UVRAG: variants seen among roughly 807,000 people sequenced by gnomAD.
UVRAG encodes the protein UV radiation resistance associated.
UVRAG carries 19 observed loss-of-function variants against 78.0 expected under a neutral mutation model. That is an observed-to-expected ratio of 0.24 (90% CI 0.17 to 0.36). The LOEUF is 0.36. Ranked by LOEUF, UVRAG falls within the 10% of genes least tolerant of loss-of-function variation. The pLI, the probability that UVRAG is intolerant of heterozygous loss-of-function variation, is 1.00. For synonymous variants in UVRAG, 323 were observed against 324.6 expected, an observed-to-expected ratio of 1.00 and a Z score of 0.05; for missense variants, 740 against 853.8, an observed-to-expected ratio of 0.87 and a Z score of 1.66.
At chr11:75,826,344 A>G (rs1014556788) in intron 1 of UVRAG, among the ~76,000 whole-genome samples, 15 of 151,394 alleles carry the variant, frequency 9.9e-5, no homozygotes, top group African/African-American at 3.4e-4. Flanking sequence ...TTTAGTAGAG[A>G]CGGGGTTTTA....
At chr11:76,097,995 A>G (rs1368108176) in intron 13 of UVRAG, among the ~76,000 whole-genome samples, 2 of 149,982 alleles carry the variant, frequency 1.3e-5, no homozygotes, top group Non-Finnish European at 3.0e-5. Context: ...GAAATTTGGC[A>G]TTTCTTATCT....
At chr11:75,947,742 C>T (rs752207819) in intron 6 of UVRAG, among the ~76,000 whole-genome samples, 9 of 152,080 alleles carry the variant, frequency 5.9e-5, no homozygotes, top group Non-Finnish European at 1.3e-4. Context: ...GTTAAACAAA[C>T]CTGGGTTTAA....
At chr11:76,009,433 C>T (rs1455052364) in intron 11 of UVRAG, among the ~76,000 whole-genome samples, 2 of 152,072 alleles carry the variant, frequency 1.3e-5, no homozygotes, top group African/African-American at 4.8e-5. Flanking sequence ...GTTTTTCCTA[C>T]TCTGCAAATA....
At chr11:75,927,942 A>G (rs759136154) in intron 6 of UVRAG, among the ~76,000 whole-genome samples, 11 of 152,254 alleles carry the variant, frequency 7.2e-5, no homozygotes, top group Admixed American at 5.9e-4. Context: ...TTTTTAAAAA[A>G]ATACCTCTGA....
At chr11:75,846,138 A>G (rs1344711368) in intron 1 of UVRAG, among the ~76,000 whole-genome samples, 1 of 152,218 alleles carries the variant, frequency 6.6e-6, no homozygotes, top group Admixed American at 6.5e-5. Context: ...AAGCATTGAT[A>G]TTTATGCTAG....
chr11:75,917,271 T>C (rs1310750341), intron 6 of UVRAG, among the ~76,000 whole-genome samples: 3 of 152,252 alleles, frequency 2.0e-5, no homozygotes, highest in Non-Finnish European at 4.4e-5. Flanking sequence ...GGTTTTACTT[T>C]CAAAGTTGCT....
At chr11:75,828,518 C>A (rs1272047479) in intron 1 of UVRAG, among the ~76,000 whole-genome samples, 1 of 150,664 alleles carries the variant, frequency 6.6e-6, no homozygotes, top group African/African-American at 2.4e-5. Flanking sequence ...ACAAGGTTGC[C>A]CAGGTTGGAA....
rs760143866 is a variant in UVRAG at position 76,141,275 on chromosome 11, C to T, written c.1962C>T (p.Cys654=). The part of the protein sequence containing the change: ...ASGDQLEAFN[C]IPVDSAVAVE... The stretch of plus-strand genomic sequence containing the variant: ...GTGATCAGCTAGAAGCATTTAACTG[C>T]ATCCCAGTGGACAGTGCTGTGGCAG... The change falls in exon 15 of 15, where the codon TGC becomes TGT. Residue 654 remains cysteine, a synonymous_variant. Transcript: ENST00000356136. 1.2e-6 allele frequency: 2 copies of T among 1,614,216 alleles called. No individual in the cohort carries two copies. Among genetic ancestry groups the T allele is most frequent in the Non-Finnish European group, 8.5e-7 (1 of 1,180,038 alleles).
At chr11:76,138,459 C>T (rs1952638668) in intron 14 of UVRAG, among the ~76,000 whole-genome samples, 1 of 152,160 alleles carries the variant, frequency 6.6e-6, no homozygotes, top group South Asian at 2.1e-4. Flanking sequence ...TGGGGGTTGT[C>T]GCGCCTCATT....
intron 11 of UVRAG, among the ~76,000 whole-genome samples, chr11:76,010,334 CA>C (rs1950027996): frequency 6.6e-6 from 1 of 152,082 alleles, no homozygotes; most frequent in African/African-American, 2.4e-5. Context: ...TTGGGGGAGA[CA>C]GCCAATAAAC....
chr11:75,960,126 T>C (rs901888749), intron 6 of UVRAG, among the ~76,000 whole-genome samples: 2 of 151,932 alleles, frequency 1.3e-5, no homozygotes, highest in Non-Finnish European at 1.5e-5. Flanking sequence ...CAGAGAGACA[T>C]GAAGTGACCA....
rs1455065969 is a variant in UVRAG at position 76,142,818 on chromosome 11, G to GTA, written c.*1410_*1411dup. On this transcript the variant is annotated 3_prime_UTR_variant, in exon 15 of 15. Transcript: ENST00000356136. Reference sequence around the variant, plus strand: ...ATATAGCAACACAAACACTTGACAGGTATATACTCCAGTCGCCACATTTGT... The same window carrying GTA: ...ATATAGCAACACAAACACTTGACAGGTATATATACTCCAGTCGCCACATTTGT... 1 of 152,272 alleles carries GTA rather than the reference G, an allele frequency of 6.6e-6. No individual in the cohort carries two copies. Among genetic ancestry groups the GTA allele is most frequent in the Non-Finnish European group, 1.5e-5 (1 of 68,044 alleles). The allele number at this position is 152,272 out of a possible 1,614,324, so 9.4% of individuals were successfully genotyped here. A position where few individuals can be genotyped will look rare whatever the true frequency, so the allele number is the denominator to read the frequency against.
intron 7 of UVRAG, among the ~76,000 whole-genome samples, chr11:75,978,762 C>A (rs1949315463): frequency 6.6e-6 from 1 of 152,146 alleles, no homozygotes; most frequent in Non-Finnish European, 1.5e-5. Flanking sequence ...TCTAGTTAGC[C>A]ATTCATCCAA....
intron 13 of UVRAG, among the ~76,000 whole-genome samples, chr11:76,087,734 C>A (rs1280311740): frequency 6.6e-6 from 1 of 152,202 alleles, no homozygotes; most frequent in Non-Finnish European, 1.5e-5. Context: ...ACAAGTCCTT[C>A]TCTATTCCCA....
intron 6 of UVRAG, among the ~76,000 whole-genome samples, chr11:75,956,061 T>A (rs1467004198): frequency 1.1e-4 from 16 of 152,196 alleles, no homozygotes; most frequent in Admixed American, 1.0e-3. Flanking sequence ...TTCTGGCTTT[T>A]TTCACTCAAC....
chr11:76,038,618 A>T (rs1950584240), intron 12 of UVRAG, among the ~76,000 whole-genome samples: 1 of 152,154 alleles, frequency 6.6e-6, no homozygotes, highest in South Asian at 2.1e-4. Flanking sequence ...ATGTAATAGA[A>T]TTTTCCTCCC....
chr11:76,045,872 T>C (rs1321268886), intron 12 of UVRAG, among the ~76,000 whole-genome samples: 1 of 152,108 alleles, frequency 6.6e-6, no homozygotes, highest in African/African-American at 2.4e-5. Context: ...AAAATTCTAA[T>C]AATTAAAATA....
chr11:75,817,542 C>T (rs1259558630), intron 1 of UVRAG, among the ~76,000 whole-genome samples: 1 of 152,118 alleles, frequency 6.6e-6, no homozygotes. Context: ...TCTTGGAAGG[C>T]AGCCTATATA....
chr11:75,888,049 T>G (rs1171752549), intron 4 of UVRAG, among the ~76,000 whole-genome samples: 1 of 152,250 alleles, frequency 6.6e-6, no homozygotes, highest in Non-Finnish European at 1.5e-5. Flanking sequence ...CATTTAAGAC[T>G]TTAGGGATTG....
Sources: gnomAD v4.1 joint callset for allele counts (sites outside exome capture counted in the v4.1 genomes callset) on GRCh38, gnomAD v4.1.1 for gene constraint, MANE v1.5 for transcripts, NCBI Gene and HGNC (gene_info 2026-07-23, HGNC 2026-07-21) for gene names.